TNFRSF10D: variants seen among roughly 807,000 people sequenced by gnomAD.
TNFRSF10D encodes TNF receptor superfamily member 10d, also known as tumor necrosis factor receptor superfamily member 10D.
A neutral mutation model predicts 42.1 loss-of-function variants in TNFRSF10D; 28 were observed. The ratio of observed to expected loss-of-function variants is 0.66; its 90% CI spans 0.49 to 0.91. The LOEUF is 0.91. Among genes scored for constraint, TNFRSF10D ranks in the 40% least tolerant of loss-of-function variants. TNFRSF10D has a pLI of 0.00. For synonymous variants in TNFRSF10D, 186 were observed against 189.4 expected (o/e 0.98, Z 0.15); for missense variants, 503 against 486.1 (o/e 1.03, Z -0.33).
At chr8:23,144,331 T>G (rs1800077813) in intron 7 of TNFRSF10D, 119 bp downstream of exon 7, 1 of 1,206,886 alleles carries the variant, frequency 8.3e-7, no homozygotes, top group Non-Finnish European at 1.1e-6. Context: ...CAGTCCCCTG[T>G]CTCCCAAAGG....
chr8:23,151,866 A>G (rs954453554), intron 2 of TNFRSF10D, among the ~76,000 whole-genome samples: 5 of 152,176 alleles, frequency 3.3e-5, no homozygotes, highest in Admixed American at 2.0e-4. Context: ...TTTTTTTCTA[A>G]TTTGGTCTTG....
intron 7 of TNFRSF10D, among the ~76,000 whole-genome samples, chr8:23,141,312 C>T (rs1360739652): frequency 1.3e-5 from 2 of 152,074 alleles, no homozygotes; most frequent in Non-Finnish European, 2.9e-5. Flanking sequence ...CGAGACCAGC[C>T]TGACCAACAA....
intron 1 of TNFRSF10D, among the ~76,000 whole-genome samples, chr8:23,157,381 T>C (rs1173747997): frequency 1.3e-5 from 2 of 152,232 alleles, no homozygotes; most frequent in East Asian, 3.8e-4. Flanking sequence ...TAACCAAATT[T>C]TAGAATTCCC....
Position 23,163,858 on chromosome 8 carries a change from C to T in TNFRSF10D, c.78G>A (p.Ser26=). Residue 26 remains serine, a synonymous_variant, in exon 1 of 9, where the codon TCG becomes TCA. Coordinates refer to ENST00000312584, the MANE Select transcript of TNFRSF10D (RefSeq NM_003840.5). ...GGTCCAGGAGCCATGGTCTGGTTCC[C>T]GACGCTGTCCTGGCTCCTGGATAGC... ...AGRYPGARTA[S]GTRPWLLDPK... 2 of 1,605,686 alleles carry T rather than the reference C, an allele frequency of 1.2e-6. No homozygotes were observed. The highest frequency in any genetic ancestry group is 8.5e-7 in the Non-Finnish European group (1 of 1,177,294).
At chr8:23,138,352 C>A (rs116682922) in intron 7 of TNFRSF10D, 92 bp from the exon 8 acceptor site, 24 of 1,387,958 alleles carry the variant, frequency 1.7e-5, no homozygotes, top group South Asian at 3.5e-5. Flanking sequence ...AGACCTGCAG[C>A]GCTTTCCCTC....
chr8:23,147,850 C>T (rs1800145680), intron 3 of TNFRSF10D, among the ~76,000 whole-genome samples: 1 of 151,928 alleles, frequency 6.6e-6, no homozygotes, highest in Admixed American at 6.6e-5. Context: ...ATCACGAGGT[C>T]AGGAGATCGA....
chr8:23,137,790 T>C lies in TNFRSF10D; in HGVS notation c.*80A>G. 1 of 1,547,314 alleles carries C rather than the reference T, an allele frequency of 6.5e-7. No individual in the cohort carries two copies. The highest frequency in any genetic ancestry group is 8.7e-7 in the Non-Finnish European group (1 of 1,149,586). ...GTTTGTTGGGGCATGGGTCAAGTAC[T>C]GGACTGTTTCTTCCAGGCTGCTTCC... On this transcript the variant is annotated 3_prime_UTR_variant, in exon 9 of 9. Transcript: ENST00000312584.
intron 3 of TNFRSF10D, among the ~76,000 whole-genome samples, chr8:23,147,578 C>T (rs1435361840): frequency 6.6e-6 from 1 of 152,224 alleles, no homozygotes; most frequent in Non-Finnish European, 1.5e-5. Context: ...ATGATGCCCC[C>T]ACCCGGCTGC....
chr8:23,156,696 C>A (rs942786469), intron 1 of TNFRSF10D, among the ~76,000 whole-genome samples: 636 of 151,486 alleles, frequency 4.2e-3, no homozygotes, highest in African/African-American at 0.013. Context: ...CCTAAGTGGC[C>A]GGGACCACAG....
intron 7 of TNFRSF10D, among the ~76,000 whole-genome samples, 169 bp downstream of exon 7, chr8:23,144,281 T>G (rs1459019816): frequency 1.3e-5 from 2 of 152,182 alleles, no homozygotes; most frequent in Admixed American, 6.5e-5. Flanking sequence ...TCCTGCAGAC[T>G]GGCACGGTCA....
chr8:23,136,974 T>A lies in TNFRSF10D; in HGVS notation c.*896A>T, dbSNP rs931656653. ...GAGGATTTCTCCCTCCGTCACTAGT[T>A]ATATTTTTAGTCATTTTTGACTGCT... On this transcript the variant is annotated 3_prime_UTR_variant, in exon 9 of 9. Transcript: ENST00000312584. 6.6e-5 allele frequency: 10 copies of A among 152,282 alleles called. No individual in the cohort carries two copies. Among genetic ancestry groups the A allele is most frequent in the Middle Eastern group, 3.4e-3 (1 of 294 alleles). 9.4% of individuals were successfully genotyped at this position (152,282 alleles called of 1,614,324 possible).
chr8:23,142,324 T>C (rs114770436), intron 7 of TNFRSF10D, among the ~76,000 whole-genome samples: 1 of 151,262 alleles, frequency 6.6e-6, no homozygotes, highest in Non-Finnish European at 1.5e-5. Context: ...CTATCCATAA[T>C]AGCAGTGACA....
chr8:23,138,331 T>C lies in TNFRSF10D; in HGVS notation c.955-71A>G, dbSNP rs1437602423. On this transcript the variant is annotated intron_variant, in intron 7 of 8. Coordinates refer to ENST00000312584, the MANE Select transcript of TNFRSF10D (RefSeq NM_003840.5). ...GCAGTCTAGTACTGACCCTGACCAC[T>C]AGCCAGCAAGAGACCTGCAGCGCTT... 2,584 of 1,554,838 alleles carry C rather than the reference T, an allele frequency of 1.7e-3. No individual in the cohort carries two copies. The African/African-American group carries it at 0.019, about 12-fold the overall frequency.
At chr8:23,159,926 G>A (rs1800341376) in intron 1 of TNFRSF10D, among the ~76,000 whole-genome samples, 2 of 151,580 alleles carry the variant, frequency 1.3e-5, no homozygotes, top group Admixed American at 6.6e-5. Context: ...TTAATTCTCA[G>A]GTCCAGCCAA....
At chr8:23,140,072 A>T (rs11995353) in intron 7 of TNFRSF10D, among the ~76,000 whole-genome samples, 6 of 152,052 alleles carry the variant, frequency 3.9e-5, no homozygotes, top group Non-Finnish European at 7.4e-5. Flanking sequence ...GGCGGATCAC[A>T]AGGTCAGGAG....
chr8:23,147,622 G>A (rs1367725144), intron 3 of TNFRSF10D, among the ~76,000 whole-genome samples: 1 of 152,174 alleles, frequency 6.6e-6, no homozygotes. Context: ...CAGCCTGGTG[G>A]CATGCATTAC....
chr8:23,163,688 A>C, intron 1 of TNFRSF10D, 98 bp downstream of exon 1: 11 of 1,496,720 alleles, frequency 7.3e-6, no homozygotes, highest in African/African-American at 1.4e-5. Flanking sequence ...GCCGCAGGCG[A>C]CCCGGGCCAA....
Position 23,137,824 on chromosome 8 carries a change from G to A in TNFRSF10D, c.*46C>T, listed in dbSNP as rs376188470. The A allele has an allele frequency of 3.2e-6, 5 of 1,585,044 alleles. No homozygotes were observed. Among genetic ancestry groups the A allele is most frequent in the African/African-American group, 2.7e-5 (2 of 73,726 alleles). On this transcript the variant is annotated 3_prime_UTR_variant, in exon 9 of 9. Transcript: ENST00000312584. ...TCTTCCAGGCTGCTTCCCTTTGTAG[G>A]AGAAAAGGTAAATGAGGGAAGCTCT...
chr8:23,144,403 C>T, intron 7 of TNFRSF10D, 47 bp downstream of exon 7: 1 of 1,588,552 alleles, frequency 6.3e-7, no homozygotes, highest in Non-Finnish European at 8.6e-7. Context: ...CTACAAAGTC[C>T]TGTGCAGGCT....
Sources: allele counts gnomAD v4.1 joint callset (sites outside exome capture counted in the v4.1 genomes callset), GRCh38; gene constraint gnomAD v4.1.1; transcripts MANE v1.5; gene names NCBI Gene and HGNC (gene_info 2026-07-23, HGNC 2026-07-21).